Variants in SDHAF4 observed in about 807,000 individuals in gnomAD.
SDHAF4 encodes succinate dehydrogenase assembly factor 4, mitochondrial.
Under a neutral mutation model 14.3 loss-of-function variants are expected in SDHAF4, and 14 were observed. The ratio of observed to expected loss-of-function variants is 0.98; its 90% CI spans 0.65 to 1.53. SDHAF4 has a LOEUF of 1.53. SDHAF4 is among the 40% of genes most tolerant of loss of function. SDHAF4 has a pLI of 0.00. For synonymous variants in SDHAF4, 63 were observed against 47.3 expected, an observed-to-expected ratio of 1.33 and a Z score of -1.36; for missense variants, 141 against 129.3, an observed-to-expected ratio of 1.09 and a Z score of -0.44.
chr6:70,568,289 G>T (rs1267572502), intron 1 of SDHAF4, among the ~76,000 whole-genome samples: 2 of 151,762 alleles, frequency 1.3e-5, no homozygotes, highest in African/African-American at 2.4e-5. Context: ...ATATATATAT[G>T]TATACACACA....
intron 1 of SDHAF4, among the ~76,000 whole-genome samples, chr6:70,575,324 G>T (rs1338155978): frequency 6.6e-6 from 1 of 152,036 alleles, no homozygotes; most frequent in Non-Finnish European, 1.5e-5. Context: ...GTTGCGATGA[G>T]CTGAGATCGT....
chr6:70,587,198 A>ACACACACAC (rs58942545), intron 2 of SDHAF4, among the ~76,000 whole-genome samples: 3 of 143,566 alleles, frequency 2.1e-5, no homozygotes, highest in Non-Finnish European at 4.5e-5. Flanking sequence ...ACACACACAC[A>ACACACACAC]AGAATTAGGG....
At chr6:70,595,709 G>A in the SDHAF4 span, among the ~76,000 whole-genome samples, 56 of 151,932 alleles carry the variant, frequency 3.7e-4, no homozygotes, top group African/African-American at 1.3e-3. Context: ...GGTGGCGCAC[G>A]CCCGTAATCC....
chr6:70,578,336 C>T (rs1802281181), intron 1 of SDHAF4, among the ~76,000 whole-genome samples: 1 of 152,174 alleles, frequency 6.6e-6, no homozygotes, highest in Non-Finnish European at 1.5e-5. Flanking sequence ...TGATGTGGAG[C>T]ATTTTTTAAT....
At chr6:70,573,622 C>CT (rs1452925610) in intron 1 of SDHAF4, among the ~76,000 whole-genome samples, 1 of 150,590 alleles carries the variant, frequency 6.6e-6, no homozygotes, top group African/African-American at 2.4e-5. Flanking sequence ...CCGTGTTTTT[C>CT]TTTCTTTTTT....
At chr6:70,575,480 C>CAAA (rs57160716) in intron 1 of SDHAF4, among the ~76,000 whole-genome samples, 1 of 113,292 alleles carries the variant, frequency 8.8e-6, no homozygotes. Flanking sequence ...TGTCTCTGTT[C>CAAA]AAAAAAAAAA....
chr6:70,587,660 A>G (rs1340224280), intron 2 of SDHAF4, among the ~76,000 whole-genome samples: 2 of 152,198 alleles, frequency 1.3e-5, no homozygotes, highest in Non-Finnish European at 2.9e-5. Flanking sequence ...GATACGGAGC[A>G]ACTTTCTTAA....
intron 1 of SDHAF4, among the ~76,000 whole-genome samples, chr6:70,570,827 C>T (rs183087445): frequency 1.9e-3 from 282 of 151,972 alleles, no homozygotes; most frequent in Non-Finnish European, 2.0e-3. Context: ...GTTTTATAAA[C>T]GAATCCTCAG....
At chr6:70,573,808 G>A (rs1053658159) in intron 1 of SDHAF4, among the ~76,000 whole-genome samples, 6 of 151,428 alleles carry the variant, frequency 4.0e-5, no homozygotes, top group African/African-American at 1.5e-4. Context: ...CCAAGTAGCT[G>A]GGATTACAGG....
downstream of SDHAF4, among the ~76,000 whole-genome samples, chr6:70,590,285 AG>A (rs1221175396): frequency 6.6e-6 from 1 of 152,168 alleles, no homozygotes; most frequent in African/African-American, 2.4e-5. Context: ...CATTCAAGAA[AG>A]GGGAGTGTGG....
At chr6:70,591,260 C>T (rs1020154681), downstream of SDHAF4, among the ~76,000 whole-genome samples, 2 of 150,606 alleles carry the variant, frequency 1.3e-5, no homozygotes, top group Non-Finnish European at 3.0e-5. Context: ...ATAGTACATA[C>T]TTCTCAGTAA....
intron 1 of SDHAF4, among the ~76,000 whole-genome samples, chr6:70,569,773 G>A (rs938132958): frequency 2.0e-5 from 3 of 151,986 alleles, no homozygotes; most frequent in Non-Finnish European, 4.4e-5. Context: ...TGATCCTTTT[G>A]TTTATTGTGA....
At chr6:70,571,153 T>G (rs1210073325) in intron 1 of SDHAF4, among the ~76,000 whole-genome samples, 1 of 152,168 alleles carries the variant, frequency 6.6e-6, no homozygotes, top group East Asian at 1.9e-4. Context: ...ATCTTGAAGT[T>G]TACTTAATTG....
intron 1 of SDHAF4, among the ~76,000 whole-genome samples, chr6:70,575,709 A>ATGTG (rs760664360): frequency 4.1e-5 from 6 of 147,248 alleles, no homozygotes; most frequent in African/African-American, 8.0e-5. Flanking sequence ...GTTTTTGTAT[A>ATGTG]TGTGTGTGTG....
chr6:70,588,575 G>C, intron 2 of SDHAF4, 40 bp from the exon 3 acceptor site: 1 of 1,004,622 alleles, frequency 1.0e-6, no homozygotes, highest in Non-Finnish European at 1.5e-6. Flanking sequence ...GGCCTTTCCT[G>C]CCTCCATTAA....
chr6:70,591,280 C>G (rs550891650), downstream of SDHAF4, among the ~76,000 whole-genome samples: 1 of 148,752 alleles, frequency 6.7e-6, no homozygotes, highest in South Asian at 2.1e-4. Flanking sequence ...AGTGTTAACT[C>G]TCTTTAAATT....
chr6:70,584,664 A>T (rs774722398), intron 2 of SDHAF4, among the ~76,000 whole-genome samples: 6 of 152,198 alleles, frequency 3.9e-5, no homozygotes, highest in Non-Finnish European at 8.8e-5. Context: ...AGGTTAACAA[A>T]TGTGAGGAAG....
chr6:70,598,403 T>C, the SDHAF4 span, among the ~76,000 whole-genome samples: 2,109 of 152,136 alleles, frequency 0.014, 39 homozygotes, highest in African/African-American at 0.047. Flanking sequence ...AAAGGAAAAA[T>C]AAAATATCTT....
chr6:70,581,406 G>A (rs1310789697), intron 2 of SDHAF4, among the ~76,000 whole-genome samples: 1 of 152,076 alleles, frequency 6.6e-6, no homozygotes, highest in Non-Finnish European at 1.5e-5. Context: ...TATCACTCAA[G>A]TTTATGTTGA....
Sources: gnomAD v4.1 joint callset for allele counts (sites outside exome capture counted in the v4.1 genomes callset) on GRCh38, gnomAD v4.1.1 for gene constraint, MANE v1.5 for transcripts, NCBI Gene and HGNC (gene_info 2026-07-23, HGNC 2026-07-21) for gene names.